The following IL12RB2 variants were observed in gnomAD, a reference collection of about 807,000 sequenced individuals.
The protein encoded by IL12RB2 is interleukin 12 receptor subunit beta 2, also known as interleukin-12 receptor subunit beta-2.
Under a neutral mutation model 89.4 loss-of-function variants are expected in IL12RB2, and 82 were observed. That is an observed-to-expected ratio of 0.92 (90% CI 0.77 to 1.10). The LOEUF (loss-of-function observed/expected upper bound fraction) is 1.10, where lower values mean the gene tolerates loss of function less well. Ranked by LOEUF, IL12RB2 falls within the 50% of genes least tolerant of loss-of-function variation. IL12RB2 has a pLI of 0.00. For synonymous variants in IL12RB2, 368 were observed against 370.1 expected (o/e 0.99, Z 0.07); for missense variants, 963 against 1,031.9 (o/e 0.93, Z 0.92).
chr1:67,344,600 A>G (rs1167265970), intron 9 of IL12RB2, among the ~76,000 whole-genome samples: 1 of 152,214 alleles, frequency 6.6e-6, no homozygotes, highest in Non-Finnish European at 1.5e-5. Flanking sequence ...GCCTAATAAT[A>G]CATTTTATCT....
intron 10 of IL12RB2, among the ~76,000 whole-genome samples, chr1:67,360,029 G>T (rs1661838216): frequency 6.6e-6 from 1 of 152,164 alleles, no homozygotes; most frequent in East Asian, 1.9e-4. Flanking sequence ...GGCTCAGAAC[G>T]GACAAATCTG....
At chr1:67,374,995 T>C (rs1403680017) in intron 13 of IL12RB2, among the ~76,000 whole-genome samples, 1 of 152,074 alleles carries the variant, frequency 6.6e-6, no homozygotes, top group African/African-American at 2.4e-5. Context: ...TCCTATTTTA[T>C]ACTAGTTTAG....
Position 67,351,006 on chromosome 1 carries a change from A to G in IL12RB2, c.1175A>G (p.Asn392Ser). The change falls in exon 10 of 17, where the codon AAT becomes AGT. Residue 392 changes from asparagine (N) to serine (S), a missense_variant. Physicochemically the swap from Asn to Ser is conservative, Grantham distance 46 (BLOSUM62 1). Coordinates refer to ENST00000674203, the MANE Select transcript of IL12RB2 (RefSeq NM_001374259.2). ...ACCACAGTCATTCCTAGAACCGGAA[A>G]TTGGGCTGTGGCTGTGTCTGCAGCA... ...SWTTVIPRTGNWAVAVSAANS... is the reference protein window; with the variant it reads ...SWTTVIPRTGSWAVAVSAANS... The G allele has an allele frequency of 6.2e-7, 1 of 1,614,130 alleles. No individual in the cohort carries two copies. The highest frequency in any genetic ancestry group is 8.5e-7 in the Non-Finnish European group (1 of 1,180,020).
At chr1:67,329,440 AC>A (rs1657761839) in intron 6 of IL12RB2, 146 bp from the exon 7 acceptor site, 1 of 679,670 alleles carries the variant, frequency 1.5e-6, no homozygotes, top group Non-Finnish European at 2.7e-6. Flanking sequence ...AAAGCCTGGA[AC>A]TTTTCTCTTG....
rs750107665 is a variant in IL12RB2, at chr1:67,379,968, C to T, written c.1718-18C>T. On this transcript the variant is annotated intron_variant, in intron 13 of 16. Coordinates refer to ENST00000674203, the MANE Select transcript of IL12RB2 (RefSeq NM_001374259.2). ...ATATCCTTTAATACATGCCTTTCTT[C>T]CTTTATCTTCCTTTCAGAAATTCCC... 2.8e-6 allele frequency: 4 copies of T among 1,425,384 alleles called. No individual in the cohort carries two copies. Among genetic ancestry groups the T allele is most frequent in the African/African-American group, 1.4e-5 (1 of 73,066 alleles). 88.3% of individuals were successfully genotyped at this position (1,425,384 alleles called of 1,614,324 possible). A position where few individuals can be genotyped will look rare whatever the true frequency, so the allele number is the denominator to read the frequency against.
At position 67,386,598 on chromosome 1, in the gene IL12RB2, G is replaced by A. The variant is rs773182032; in HGVS notation, c.1875G>A (p.Ala625=). Residue 625 remains alanine, a synonymous_variant, in exon 15 of 17, where the codon GCG becomes GCA. Transcript: ENST00000674203. ...TTTCAGGTAAAGCCAATTGGATGGC[G>A]TTTGTGGCACCAAGCATTTGCATTG... is the stretch of plus-strand genomic sequence containing the variant. ...FCLQGKANWM[A]FVAPSICIAI... 4.2e-5 allele frequency: 68 copies of A among 1,613,042 alleles called. No individual in the cohort carries two copies. In the Middle Eastern group the frequency reaches 9.9e-4, roughly 23 times the overall value.
chr1:67,312,716 AT>A (rs1655244791), intron 1 of IL12RB2, among the ~76,000 whole-genome samples: 1 of 149,992 alleles, frequency 6.7e-6, no homozygotes, highest in Admixed American at 6.6e-5. Context: ...AACACATTGA[AT>A]TTAAAAAAAA....
At position 67,321,684 on chromosome 1, in the gene IL12RB2, G is replaced by C. The variant is rs1001322122; in HGVS notation, c.159G>C (p.Leu53Phe). ...CCACTGTCAATATTACATGCTCTTT[G>C]AAGCCCAGACAAGGCTGCTTTCACT... ...LGSTVNITCS[L>F]KPRQGCFHYS... is the part of the protein sequence containing the mutation. The change falls in exon 4 of 17, where the codon TTG becomes TTC. Residue 53 changes from leucine (L) to phenylalanine (F), a missense_variant. Coordinates refer to ENST00000674203, the MANE Select transcript of IL12RB2 (RefSeq NM_001374259.2). 2 of 1,606,124 alleles carry C rather than the reference G, an allele frequency of 1.2e-6. No individual in the cohort carries two copies. The highest frequency in any genetic ancestry group is 1.7e-6 in the Non-Finnish European group (2 of 1,172,788).
intron 2 of IL12RB2, among the ~76,000 whole-genome samples, chr1:67,316,070 T>A (rs886630744): frequency 3.9e-5 from 6 of 152,212 alleles, no homozygotes; most frequent in African/African-American, 1.4e-4. Context: ...TAGATGAACA[T>A]ACACACACAA....
At chr1:67,368,233 T>C (rs998032987) in intron 11 of IL12RB2, among the ~76,000 whole-genome samples, 9 of 152,360 alleles carry the variant, frequency 5.9e-5, no homozygotes, top group African/African-American at 2.2e-4. Flanking sequence ...CTCTTATTTA[T>C]GGAAAATCCA....
chr1:67,321,554 A>G (rs941102464), intron 3 of IL12RB2, 48 bp from the exon 4 acceptor site: 5 of 1,234,072 alleles, frequency 4.1e-6, no homozygotes, highest in Non-Finnish European at 6.0e-6. Flanking sequence ...TCATTTTGAA[A>G]TGGGTTTATT....
intron 1 of IL12RB2, among the ~76,000 whole-genome samples, chr1:67,309,405 T>C (rs933607050): frequency 1.3e-5 from 2 of 152,208 alleles, no homozygotes; most frequent in Non-Finnish European, 2.9e-5. Flanking sequence ...CAAACAAACG[T>C]TGGATTCTCA....
At position 67,398,221 on chromosome 1, in the gene IL12RB2, G is replaced by A. The variant is rs763761030; in HGVS notation, c.*2132G>A. ...GACTGGCACAAACCGTGACAGACATGCCCTTGACTGGCACAAACCATGACA... is the reference window on the plus strand; with the variant it reads ...GACTGGCACAAACCGTGACAGACATACCCTTGACTGGCACAAACCATGACA... On this transcript the variant is annotated 3_prime_UTR_variant, in exon 17 of 17. Coordinates refer to ENST00000674203, the MANE Select transcript of IL12RB2 (RefSeq NM_001374259.2). 1.1e-4 allele frequency among the ~76,000 whole-genome samples: 17 copies of A among 152,094 alleles called. No individual in the cohort carries two copies. Among genetic ancestry groups the A allele is most frequent in the Non-Finnish European group, 2.1e-4 (14 of 68,024 alleles).
intron 11 of IL12RB2, among the ~76,000 whole-genome samples, chr1:67,368,629 T>C (rs1189496077): frequency 6.6e-6 from 1 of 152,248 alleles, no homozygotes; most frequent in African/African-American, 2.4e-5. Flanking sequence ...TTAAAATGAT[T>C]GGGCAGAACT....
intron 15 of IL12RB2, among the ~76,000 whole-genome samples, chr1:67,387,305 T>A (rs1186259880): frequency 6.6e-6 from 1 of 152,086 alleles, no homozygotes; most frequent in African/African-American, 2.4e-5. Flanking sequence ...AGAAAAATAT[T>A]TGAGACAACC....
At position 67,330,572 on chromosome 1, in the gene IL12RB2, T is replaced by TG. The variant is rs201404369; in HGVS notation, c.808-85dup. The TG allele has an allele frequency of 0.17, 109,011 of 632,048 alleles. 3,833 individuals carry two copies. Among genetic ancestry groups the TG allele is most frequent in the East Asian group, 0.3 (10,844 of 36,678 alleles). 39.2% of individuals were successfully genotyped at this position (632,048 alleles called of 1,614,324 possible). On this transcript the variant is annotated intron_variant, in intron 7 of 16. Coordinates refer to ENST00000674203, the MANE Select transcript of IL12RB2 (RefSeq NM_001374259.2). ...GAAAAACAAATAAGATCAAATAGCC[T>TG]GGGTTTTTTTTTTTTCATTTTATGT...
chr1:67,328,470 G>C, intron 6 of IL12RB2, 86 bp downstream of exon 6: 1 of 1,596,208 alleles, frequency 6.3e-7, no homozygotes, highest in Non-Finnish European at 8.5e-7. Context: ...TTTCAAGAAA[G>C]ACAGAGATTG....
chr1:67,396,240 T>C lies in IL12RB2; in HGVS notation c.*151T>C. 1 of 744,056 alleles carries C rather than the reference T, an allele frequency of 1.3e-6. No homozygotes were observed. Among genetic ancestry groups the C allele is most frequent in the Non-Finnish European group, 2.4e-6 (1 of 408,256 alleles). The allele number at this position is 744,056 out of a possible 1,614,324, so 46.1% of individuals were successfully genotyped here. On this transcript the variant is annotated 3_prime_UTR_variant, in exon 17 of 17. Transcript: ENST00000674203. ...GACAGGCAAGCCAGCTCTGGGGGAG[T>C]CTTAGGAACTGGGAGTTGGTCTTCA...
rs545647085 is a variant in IL12RB2, at chr1:67,364,346, G to A, written c.1259-3479G>A. ...GTGGAGGCTGCAGTAAGCCAAGATT[G>A]CACCACTGCACTCCAGCCTGTGAGA... On this transcript the variant is annotated intron_variant, in intron 10 of 16. Transcript: ENST00000674203. 2.0e-5 allele frequency among the ~76,000 whole-genome samples: 3 copies of A among 152,230 alleles called. No homozygotes were observed. In the East Asian group the frequency reaches 5.8e-4, roughly 29 times the overall value.
Sources: allele counts gnomAD v4.1 joint callset (sites outside exome capture counted in the v4.1 genomes callset), GRCh38; gene constraint gnomAD v4.1.1; transcripts MANE v1.5; gene names NCBI Gene and HGNC (gene_info 2026-07-23, HGNC 2026-07-21).